Variants in CYREN observed in about 807,000 individuals in gnomAD.
CYREN encodes the protein cell cycle regulator of non-homologous end joining.
Under a neutral mutation model 9.7 loss-of-function variants are expected in CYREN, and 7 were observed. The ratio of observed to expected loss-of-function variants is 0.72; its 90% CI spans 0.41 to 1.36. CYREN has a LOEUF of 1.36. Among genes scored for constraint, CYREN ranks in the 40% most tolerant of loss-of-function variants. CYREN has a pLI of 0.01. For synonymous variants in CYREN, 76 were observed against 77.9 expected (o/e 0.98, Z 0.13); for missense variants, 215 against 198.1 (o/e 1.09, Z -0.51).
intron 2 of CYREN, among the ~76,000 whole-genome samples, chr7:135,145,202 A>C (rs1829524419): frequency 6.6e-6 from 1 of 152,140 alleles, no homozygotes; most frequent in Non-Finnish European, 1.5e-5. Flanking sequence ...TATAAATGAA[A>C]ATTATTTTTA....
intron 2 of CYREN, among the ~76,000 whole-genome samples, chr7:135,157,615 C>G (rs1384032390): frequency 6.6e-6 from 1 of 152,168 alleles, no homozygotes; most frequent in Non-Finnish European, 1.5e-5. Flanking sequence ...ATCTCTAGCC[C>G]CTGAGCAGGT....
At chr7:135,114,925 C>G (rs139108408) in intron 2 of CYREN, among the ~76,000 whole-genome samples, 48 of 152,262 alleles carry the variant, frequency 3.2e-4, no homozygotes, top group African/African-American at 1.1e-3. Context: ...GTCCATGTTA[C>G]CTACCTAAAT....
chr7:135,115,310 T>A, intron 2 of CYREN: 1 of 1,039,364 alleles, frequency 9.6e-7, no homozygotes, highest in South Asian at 1.7e-5. Flanking sequence ...CCTTGGCATA[T>A]AATAATGCCC....
intron 2 of CYREN, chr7:135,099,921 T>C (rs1823534583): frequency 7.9e-6 from 1 of 126,010 alleles, no homozygotes; most frequent in African/African-American, 2.9e-5. Flanking sequence ...GGAGTCTCGG[T>C]CTGTCGCCCA....
chr7:135,118,660 G>GA (rs1195931366), intron 2 of CYREN, among the ~76,000 whole-genome samples: 1 of 152,048 alleles, frequency 6.6e-6, no homozygotes, highest in Non-Finnish European at 1.5e-5. Context: ...ATCTAAAACT[G>GA]AAAAAAGACA....
At chr7:135,134,992 C>T in intron 2 of CYREN, 1 of 1,551,172 alleles carries the variant, frequency 6.4e-7, no homozygotes, top group Non-Finnish European at 8.7e-7. Context: ...AAGTTTATCA[C>T]CTCTCAAAGG....
chr7:135,124,156 G>A (rs1827526068), intron 2 of CYREN, among the ~76,000 whole-genome samples: 1 of 151,638 alleles, frequency 6.6e-6, no homozygotes, highest in Admixed American at 6.6e-5. Flanking sequence ...CCTGTCTTAT[G>A]TGCAAAGACA....
At chr7:135,165,216 C>T (rs1244853474), downstream of CYREN, 2 of 525,470 alleles carry the variant, frequency 3.8e-6, no homozygotes, top group Admixed American at 7.0e-5. Flanking sequence ...TTCAGGACTT[C>T]CAAGGCTCCC....
At chr7:135,131,097 A>G (rs756548669) in intron 2 of CYREN, among the ~76,000 whole-genome samples, 3 of 152,216 alleles carry the variant, frequency 2.0e-5, no homozygotes, top group Non-Finnish European at 4.4e-5. Context: ...AATCTTAAAA[A>G]TAAAAATAAA....
downstream of CYREN, chr7:135,164,643 CCT>C (rs1830038946): frequency 6.2e-7 from 1 of 1,613,154 alleles, no homozygotes; most frequent in Admixed American, 1.7e-5. Context: ...TCACCAGTTC[CCT>C]GAGCTGGAAG....
intron 2 of CYREN, among the ~76,000 whole-genome samples, chr7:135,134,001 A>T (rs947651257): frequency 6.6e-6 from 1 of 152,166 alleles, no homozygotes; most frequent in Admixed American, 6.5e-5. Context: ...TGATTCCTTT[A>T]TGCAACATTC....
At chr7:135,166,952 A>C (rs1359919977) in intron 3 of CYREN, 81 bp from the exon 4 acceptor site, 8 of 1,548,386 alleles carry the variant, frequency 5.2e-6, no homozygotes, top group Non-Finnish European at 7.0e-6. Context: ...CACAGGATGT[A>C]TCTAGAAGCA....
rs535812802 is a variant in CYREN, at chr7:135,151,242, C to T, written n.356+17507G>A. On this transcript the variant is annotated intron_variant and non_coding_transcript_variant, in intron 2 of 2. Coordinates refer to the CYREN transcript ENST00000459937. The surrounding 1 kb of genome is among the most constrained non-coding windows in gnomAD (Gnocchi z 4.3). ...ACTGGTGAAATCCAGGAGCTGCCACCACCTACACACTGTTGAAAAACACTG... is the reference window on the plus strand; with the variant it reads ...ACTGGTGAAATCCAGGAGCTGCCACTACCTACACACTGTTGAAAAACACTG... 3.7e-4 allele frequency among the ~76,000 whole-genome samples: 57 copies of T among 152,160 alleles called. No individual in the cohort carries two copies. The highest frequency in any genetic ancestry group is 7.8e-4 in the Non-Finnish European group (53 of 68,026).
intron 1 of CYREN, among the ~76,000 whole-genome samples, chr7:135,169,811 C>CAA (rs545578132): frequency 6.6e-6 from 1 of 151,562 alleles, no homozygotes; most frequent in African/African-American, 2.4e-5. Context: ...GAGGTTTGCC[C>CAA]AAAAAAAAGA....
At chr7:135,159,831 A>T (rs1010830814) in intron 2 of CYREN, among the ~76,000 whole-genome samples, 2 of 152,254 alleles carry the variant, frequency 1.3e-5, no homozygotes, top group African/African-American at 4.8e-5. Flanking sequence ...ATGAAGAAAA[A>T]CTATCAATGA....
intron 2 of CYREN, among the ~76,000 whole-genome samples, chr7:135,121,015 C>A (rs1024261367): frequency 6.6e-6 from 1 of 152,054 alleles, no homozygotes; most frequent in East Asian, 1.9e-4. Context: ...ACCAGCCTGA[C>A]CAACACAGAG....
chr7:135,167,854 T>G, intron 2 of CYREN, 47 bp from the exon 3 acceptor site: 1 of 1,613,122 alleles, frequency 6.2e-7, no homozygotes, highest in Non-Finnish European at 8.5e-7. Context: ...CTCTCAAGTC[T>G]CATAAGGGCA....
intron 2 of CYREN, among the ~76,000 whole-genome samples, chr7:135,142,412 C>T (rs1020953335): frequency 6.6e-6 from 1 of 152,088 alleles, no homozygotes; most frequent in African/African-American, 2.4e-5. Context: ...TGTTTGTTTT[C>T]AGTAAGGCTT....
chr7:135,096,465 G>A (rs1221445867), intron 2 of CYREN, among the ~76,000 whole-genome samples: 1 of 150,254 alleles, frequency 6.7e-6, no homozygotes, highest in Non-Finnish European at 1.5e-5. Context: ...ATGACTCGTG[G>A]AAGAACATAT....
Sources: gnomAD v4.1 joint callset for allele counts (sites outside exome capture counted in the v4.1 genomes callset) on GRCh38, gnomAD v4.1.1 for gene constraint, Gnocchi (gnomAD v3.1) non-coding constraint, MANE v1.5 for transcripts, NCBI Gene and HGNC (gene_info 2026-07-23, HGNC 2026-07-21) for gene names.